Variants in DNAH5 observed in about 807,000 individuals in gnomAD.
DNAH5 encodes the protein dynein axonemal heavy chain 5, also known as axonemal beta dynein heavy chain 5.
DNAH5 carries 372 observed loss-of-function variants against 518.2 expected under a neutral mutation model. That is an observed-to-expected ratio of 0.72 (90% confidence interval 0.66 to 0.78). The LOEUF (loss-of-function observed/expected upper bound fraction) is 0.78. DNAH5 is among the 30% of genes least tolerant of loss of function. The pLI is 0.00. For missense variants in DNAH5, 5,523 were observed against 5,687.0 expected (o/e 0.97, Z 0.93); for synonymous variants, 2,039 against 2,025.9 (o/e 1.01, Z -0.17).
At chr5:13,838,141 CA>C (rs1472105138) in intron 35 of DNAH5, among the ~76,000 whole-genome samples, 2 of 152,150 alleles carry the variant, frequency 1.3e-5, no homozygotes, top group Non-Finnish European at 2.9e-5. Flanking sequence ...GCATTCAGTG[CA>C]TACCTGAAGC....
chr5:13,792,131 G>T lies in DNAH5; in HGVS notation c.8311C>A (p.Arg2771Ser), dbSNP rs769557047. 1 of 1,613,822 alleles carries T rather than the reference G, an allele frequency of 6.2e-7. No homozygotes were observed. The highest frequency in any genetic ancestry group is 8.5e-7 in the Non-Finnish European group (1 of 1,179,946). Residue 2771 changes from arginine (R) to serine (S), a missense_variant, in exon 50 of 79, where the codon CGC becomes AGC. Physicochemically the swap from Arg to Ser is moderately radical, Grantham distance 110. Coordinates refer to ENST00000265104, the MANE Select transcript of DNAH5 (RefSeq NM_001369.3). The stretch of plus-strand genomic sequence containing the variant: ...ATCTTGGTCATCTGCCATAGTCGGC[G>T]TGTCAGAGGCACCAATTTTGTCACA... Reference protein sequence around the residue: ...DSVTKLVPLTRRLWQMTKIKM... With the variant: ...DSVTKLVPLTSRLWQMTKIKM...
intron 1 of DNAH5, among the ~76,000 whole-genome samples, chr5:13,977,473 C>A (rs964092741): frequency 1.8e-5 from 2 of 110,042 alleles, no homozygotes; most frequent in African/African-American, 3.4e-5. Flanking sequence ...GCTGGGAAGT[C>A]CAAGATCCTC....
At position 13,963,925 on chromosome 5, in the gene DNAH5, C is replaced by G. The variant is rs114865302; in HGVS notation, c.13-32681G>C. ...TCAAGTAATCCTGCCACCTCAGCCT[C>G]CCAAAGTGCTGGGATCACAGGCATC... On this transcript the variant is annotated intron_variant, in intron 1 of 78. Coordinates refer to the DNAH5 transcript ENST00000681290. 8.7e-3 allele frequency among the ~76,000 whole-genome samples: 1,332 copies of G among 152,268 alleles called. 13 individuals are homozygous for G. Among genetic ancestry groups the G allele is most frequent in the African/African-American group, 0.031 (1,283 of 41,554 alleles).
chr5:13,708,799 C>T (rs1332404386), intron 75 of DNAH5, among the ~76,000 whole-genome samples: 1 of 152,186 alleles, frequency 6.6e-6, no homozygotes, highest in Non-Finnish European at 1.5e-5. Flanking sequence ...ATCCATCCCC[C>T]CAACCATTCA....
At chr5:13,891,634 A>G (rs1206165946) in intron 16 of DNAH5, among the ~76,000 whole-genome samples, 1 of 152,100 alleles carries the variant, frequency 6.6e-6, no homozygotes, top group Non-Finnish European at 1.5e-5. Context: ...GTCTCTGCGG[A>G]TTGTCTACCC....
At chr5:13,781,671 G>C (rs1755162726) in intron 52 of DNAH5, among the ~76,000 whole-genome samples, 1 of 151,734 alleles carries the variant, frequency 6.6e-6, no homozygotes, top group Non-Finnish European at 1.5e-5. Context: ...CATGTAAGAA[G>C]TGCCTTTCGC....
intron 1 of DNAH5, among the ~76,000 whole-genome samples, chr5:14,007,212 G>T (rs1225781372): frequency 6.6e-6 from 1 of 152,228 alleles, no homozygotes; most frequent in Non-Finnish European, 1.5e-5. Context: ...GCCTTGCCCA[G>T]TTCTTTGTAA....
intron 31 of DNAH5, among the ~76,000 whole-genome samples, chr5:13,846,892 A>T (rs1465327968): frequency 6.6e-6 from 1 of 152,110 alleles, no homozygotes; most frequent in African/African-American, 2.4e-5. Flanking sequence ...TAGCTAAAAA[A>T]CTAAACTTTT....
rs373911268 is a variant in DNAH5 at position 13,962,849 on chromosome 5, C to G, written c.13-31605G>C. ...ACAAAATTTGGTCAGGGAAGGGAGT[C>G]CTTGTCACAGGTAATGAGAGTTTAA... On this transcript the variant is annotated intron_variant, in intron 1 of 78. Coordinates refer to the DNAH5 transcript ENST00000681290. Among the ~76,000 whole-genome samples the G allele has an allele frequency of 1.2e-4, 19 of 152,252 alleles. No homozygotes were observed. In the East Asian group the frequency reaches 3.5e-3, roughly 28 times the overall value.
chr5:13,776,513 A>C lies in DNAH5; in HGVS notation c.9299T>G (p.Leu3100Trp). Residue 3100 changes from leucine (L) to tryptophan (W), a missense_variant, in exon 55 of 79, where the codon TTG (leucine) becomes TGG (tryptophan). This residue lies in a region of DNAH5 where 5,121 missense variants were observed against 5,223.3 expected (regional missense o/e 0.98). Coordinates refer to ENST00000265104, the MANE Select transcript of DNAH5 (RefSeq NM_001369.3). ...TCCTGAAATTAGGGCAGGGAACTTC[A>C]AAGCTCTGTTTCGAAATTTCTCCCC... is the stretch of plus-strand genomic sequence containing the variant. ...PVGEKFRNRALKFPALISGCT... is the reference protein window; with the variant it reads ...PVGEKFRNRAWKFPALISGCT... 1 of 1,613,926 alleles carries C rather than the reference A, an allele frequency of 6.2e-7. No homozygotes were observed. The highest frequency in any genetic ancestry group is 1.3e-5 in the African/African-American group (1 of 75,034).
chr5:13,883,703 G>T (rs1771982110), intron 19 of DNAH5, among the ~76,000 whole-genome samples: 1 of 152,206 alleles, frequency 6.6e-6, no homozygotes, highest in Non-Finnish European at 1.5e-5. Flanking sequence ...TTACGTAGTT[G>T]CAAATATCTG....
Position 13,839,476 on chromosome 5 carries a change from C to T in DNAH5, c.5762G>A (p.Arg1921Lys), listed in dbSNP as rs1331052558. The stretch of plus-strand genomic sequence containing the variant: ...GTCAGAATCTTCGTTAAAGTAAAAT[C>T]TGCACTGTTTCAGCCACTCAAAGTC... ...PMDFEWLKQC[R>K]FYFNEDSDKM... The change falls in exon 35 of 79, where the codon AGA (arginine) becomes AAA (lysine). Residue 1921 changes from arginine to lysine, a missense_variant. By Grantham distance (26) the Arg-to-Lys change is conservative. Around this residue, in one of 3 missense-constraint regions of DNAH5, gnomAD observed 5,121 missense variants for 5,223.3 expected, o/e 0.98. Coordinates refer to ENST00000265104, the MANE Select transcript of DNAH5 (RefSeq NM_001369.3). The T allele has an allele frequency of 1.5e-5, 25 of 1,613,950 alleles. No homozygotes were observed. Among genetic ancestry groups the T allele is most frequent in the Non-Finnish European group, 2.1e-5 (25 of 1,179,962 alleles).
intron 1 of DNAH5, among the ~76,000 whole-genome samples, chr5:13,954,211 G>GA (rs1780614723): frequency 6.6e-6 from 1 of 152,106 alleles, no homozygotes; most frequent in Non-Finnish European, 1.5e-5. Flanking sequence ...AAGCTTCCCT[G>GA]ATATACCCTG....
chr5:13,755,730 G>A (rs961279158), intron 61 of DNAH5, among the ~76,000 whole-genome samples: 16 of 152,126 alleles, frequency 1.1e-4, no homozygotes, highest in Non-Finnish European at 4.4e-5. Context: ...CAAGAGGGAA[G>A]GTGCCAGCTG....
At chr5:13,854,269 A>C (rs1767289410) in intron 30 of DNAH5, among the ~76,000 whole-genome samples, 1 of 152,184 alleles carries the variant, frequency 6.6e-6, no homozygotes, top group Admixed American at 6.5e-5. Flanking sequence ...CAGCCAAACT[A>C]AGCTTCATAA....
At chr5:13,722,270 T>A (rs554381553) in intron 70 of DNAH5, among the ~76,000 whole-genome samples, 1 of 152,362 alleles carries the variant, frequency 6.6e-6, no homozygotes, top group South Asian at 2.1e-4. Context: ...TCAGTCATTA[T>A]CCTTGACTTT....
At chr5:13,984,046 G>C (rs1236232748) in intron 1 of DNAH5, among the ~76,000 whole-genome samples, 1 of 152,176 alleles carries the variant, frequency 6.6e-6, no homozygotes. Context: ...TTATCCAGGA[G>C]AGCTCGATGT....
Position 13,882,992 on chromosome 5 carries a change from T to A in DNAH5, c.3086A>T (p.Asp1029Val), listed in dbSNP as rs201338727. ...PNIVMAPALE[D>V]VQQTLNKAVE... ...GGCTTTGTTCAGGGTCTGCTGTACATCTTCCAGGGCAGGGGCCATGACGAT... is the reference window on the plus strand; with the variant it reads ...GGCTTTGTTCAGGGTCTGCTGTACAACTTCCAGGGCAGGGGCCATGACGAT... Residue 1029 changes from aspartate (D) to valine (V), a missense_variant, in exon 20 of 79, where the codon GAT becomes GTT. Coordinates refer to ENST00000265104, the MANE Select transcript of DNAH5 (RefSeq NM_001369.3). 54 of 1,614,154 alleles carry A rather than the reference T, an allele frequency of 3.3e-5. 1 individual carries two copies. The East Asian group carries it at 1.2e-3, about 35-fold the overall frequency.
In DNAH5 at chr5:13,839,339, G is replaced by A; in HGVS notation, c.5882+17C>T. 6.2e-7 allele frequency: 1 copy of A among 1,613,106 alleles called. No individual in the cohort carries two copies. The highest frequency in any genetic ancestry group is 8.5e-7 in the Non-Finnish European group (1 of 1,179,268). On this transcript the variant is annotated intron_variant, in intron 35 of 78. Coordinates refer to ENST00000265104, the MANE Select transcript of DNAH5 (RefSeq NM_001369.3). The stretch of plus-strand genomic sequence containing the variant: ...GAGAATAAAAATGGTGGGGGTTGGG[G>A]AGAAGGGTTCCATCACCTGTCTGTA...
Sources: allele counts gnomAD v4.1 joint callset (sites outside exome capture counted in the v4.1 genomes callset), GRCh38; gene constraint gnomAD v4.1.1; regional missense constraint gnomAD v4.1.1; transcripts MANE v1.5; gene names NCBI Gene and HGNC (gene_info 2026-07-23, HGNC 2026-07-21).